EXOC6B: variants seen among roughly 807,000 people sequenced by gnomAD.
EXOC6B encodes exocyst complex component 6B.
In EXOC6B, 54 loss-of-function variants were observed where a neutral mutation model predicts 113.5. That is an observed-to-expected ratio of 0.48 (90% CI 0.38 to 0.60). The LOEUF is 0.60. Ranked by LOEUF, EXOC6B falls within the 20% of genes least tolerant of loss-of-function variation. The pLI is 0.00. For missense variants in EXOC6B, 797 were observed against 977.5 expected (o/e 0.82, Z 2.46); for synonymous variants, 357 against 339.0 (o/e 1.05, Z -0.58).
chr2:72,806,786 T>C (rs1685603672), intron 1 of EXOC6B, among the ~76,000 whole-genome samples: 1 of 152,192 alleles, frequency 6.6e-6, no homozygotes, highest in Non-Finnish European at 1.5e-5. Flanking sequence ...TGATTAGTGA[T>C]GTTGAGCTTT....
In EXOC6B at chr2:72,598,695, T is replaced by C. The variant is rs535932239; in HGVS notation, c.670-23027A>G. Among the ~76,000 whole-genome samples, 3 of 152,094 alleles carry C rather than the reference T, an allele frequency of 2.0e-5. No homozygotes were observed. The South Asian group carries it at 6.2e-4, about 32-fold the overall frequency. On this transcript the variant is annotated intron_variant, in intron 6 of 21. Transcript: ENST00000272427. ...ATAAACAGAAGCCATATATTACAAA[T>C]AGCACAAACATAAGTGAGACTATCA...
chr2:72,762,148 G>A (rs1682775807), intron 1 of EXOC6B, among the ~76,000 whole-genome samples: 1 of 151,536 alleles, frequency 6.6e-6, no homozygotes, highest in Admixed American at 6.6e-5. Flanking sequence ...GGAAGCTGAG[G>A]CAGCAGAATC....
intron 18 of EXOC6B, among the ~76,000 whole-genome samples, chr2:72,441,086 T>C (rs1369950405): frequency 6.6e-6 from 1 of 152,194 alleles, no homozygotes. Flanking sequence ...CCATATTTAG[T>C]GCTTCCATCA....
At chr2:72,491,632 A>C (rs1486868221) in intron 16 of EXOC6B, among the ~76,000 whole-genome samples, 1 of 152,116 alleles carries the variant, frequency 6.6e-6, no homozygotes, top group East Asian at 1.9e-4. Context: ...AGAGAACTTC[A>C]CATCTTTCTA....
chr2:72,694,399 G>A (rs1355759333), intron 6 of EXOC6B, among the ~76,000 whole-genome samples: 1 of 152,106 alleles, frequency 6.6e-6, no homozygotes. Context: ...CTGAGATGGT[G>A]CCACTGTACT....
intron 18 of EXOC6B, among the ~76,000 whole-genome samples, chr2:72,406,597 T>C (rs184429923): frequency 2.0e-5 from 3 of 152,098 alleles, no homozygotes; most frequent in African/African-American, 2.4e-5. Flanking sequence ...CTGCTCCTGA[T>C]TGACTACTGG....
At chr2:72,262,747 T>C (rs185311497) in intron 20 of EXOC6B, among the ~76,000 whole-genome samples, 2 of 152,296 alleles carry the variant, frequency 1.3e-5, no homozygotes, top group Non-Finnish European at 2.9e-5. Context: ...ATTGTCTATC[T>C]TTCCCACCTC....
At chr2:72,776,429 C>T (rs1007063610) in intron 1 of EXOC6B, among the ~76,000 whole-genome samples, 3 of 152,060 alleles carry the variant, frequency 2.0e-5, no homozygotes, top group African/African-American at 7.2e-5. Flanking sequence ...CTAGCCTGGG[C>T]AACATGGAGA....
chr2:72,425,431 T>C (rs1695151053), intron 18 of EXOC6B, among the ~76,000 whole-genome samples: 2 of 152,182 alleles, frequency 1.3e-5, no homozygotes, highest in African/African-American at 4.8e-5. Flanking sequence ...CATATTCTAA[T>C]TTCAGAAATG....
intron 20 of EXOC6B, among the ~76,000 whole-genome samples, chr2:72,261,265 G>A (rs371729016): frequency 9.8e-5 from 15 of 152,336 alleles, no homozygotes; most frequent in African/African-American, 2.4e-4. Flanking sequence ...CATGGTTGGA[G>A]CACCCCCTCC....
chr2:72,648,787 A>C (rs1240899550), intron 6 of EXOC6B, among the ~76,000 whole-genome samples: 2 of 140,432 alleles, frequency 1.4e-5, no homozygotes, highest in African/African-American at 2.7e-5. Flanking sequence ...TGTTAAATGA[A>C]ATAAACCAGG....
chr2:72,334,531 T>G (rs1688580644), intron 20 of EXOC6B, among the ~76,000 whole-genome samples: 1 of 152,174 alleles, frequency 6.6e-6, no homozygotes, highest in Non-Finnish European at 1.5e-5. Flanking sequence ...AAATATTTCA[T>G]TTTTCTTAAA....
chr2:72,761,697 A>G (rs1682751334), intron 1 of EXOC6B, among the ~76,000 whole-genome samples: 2 of 152,242 alleles, frequency 1.3e-5, no homozygotes, highest in Non-Finnish European at 1.5e-5. Flanking sequence ...CCATAGGCTC[A>G]TTTAGTATCT....
intron 6 of EXOC6B, among the ~76,000 whole-genome samples, chr2:72,616,708 C>T (rs950604155): frequency 6.6e-6 from 1 of 152,044 alleles, no homozygotes; most frequent in Non-Finnish European, 1.5e-5. Flanking sequence ...CGAGTCCCTC[C>T]CACAACACAT....
intron 20 of EXOC6B, among the ~76,000 whole-genome samples, chr2:72,189,798 TTCTTTC>T (rs1438236529): frequency 4.2e-5 from 6 of 144,480 alleles, no homozygotes; most frequent in Admixed American, 7.0e-5. Context: ...CTTTCCTTCC[TTCTTTC>T]TCTTTCTCTT....
chr2:72,462,910 T>C (rs1697792743), intron 18 of EXOC6B: 1 of 152,108 alleles, frequency 6.6e-6, no homozygotes, highest in African/African-American at 2.4e-5. Context: ...CAATCTATGG[T>C]GGCCACTAAA....
intron 20 of EXOC6B, among the ~76,000 whole-genome samples, chr2:72,187,581 G>C (rs1370200340): frequency 6.6e-6 from 1 of 152,120 alleles, no homozygotes; most frequent in Non-Finnish European, 1.5e-5. Flanking sequence ...CAGGCAGGTT[G>C]TCTCGATAAG....
chr2:72,703,033 T>A (rs1678556127), intron 6 of EXOC6B, among the ~76,000 whole-genome samples: 1 of 148,732 alleles, frequency 6.7e-6, no homozygotes, highest in Non-Finnish European at 1.5e-5. Flanking sequence ...CTAGGTTTTC[T>A]TCTAGGGTTT....
At chr2:72,606,863 G>C (rs369960461) in intron 6 of EXOC6B, among the ~76,000 whole-genome samples, 1 of 151,766 alleles carries the variant, frequency 6.6e-6, no homozygotes, top group Non-Finnish European at 1.5e-5. Context: ...TACCCACCTC[G>C]GCCTCCCAAA....
Sources: gnomAD v4.1 joint callset for allele counts (sites outside exome capture counted in the v4.1 genomes callset) on GRCh38, gnomAD v4.1.1 for gene constraint, MANE v1.5 for transcripts, NCBI Gene and HGNC (gene_info 2026-07-23, HGNC 2026-07-21) for gene names.